Variants in YJU2 observed in about 807,000 individuals in gnomAD.
YJU2 encodes the protein splicing factor YJU2.
In YJU2, 28 loss-of-function variants were observed where a neutral mutation model predicts 39.6. The ratio of observed to expected loss-of-function variants is 0.71; its 90% CI spans 0.52 to 0.97. The LOEUF (loss-of-function observed/expected upper bound fraction) is 0.97. Among genes scored for constraint, YJU2 ranks in the 50% least tolerant of loss-of-function variants. The pLI, the probability that YJU2 is intolerant of heterozygous loss-of-function variation, is 0.00. For missense variants in YJU2, 328 were observed against 430.4 expected (o/e 0.76, Z 2.11); for synonymous variants, 184 against 182.4 (o/e 1.01, Z -0.07).
intron 6 of YJU2, among the ~76,000 whole-genome samples, chr19:4,266,507 G>C (rs949885629): frequency 6.6e-6 from 1 of 152,064 alleles, no homozygotes. Context: ...CTTCCTCTGA[G>C]AAGCTCATCC....
rs774833921 is a variant in YJU2, at chr19:4,258,396, A to C, written c.560A>C (p.Gln187Pro). 6.3e-7 allele frequency: 1 copy of C among 1,595,598 alleles called. No individual in the cohort carries two copies. Among genetic ancestry groups the C allele is most frequent in the African/African-American group, 1.3e-5 (1 of 74,798 alleles). The change falls in exon 5 of 8, where the codon CAG (glutamine) becomes CCG (proline). Residue 187 changes from glutamine to proline, a missense_variant. Transcript: ENST00000262962. ...TCGGAGGAGGAGCGGCGGAGGCAGC[A>C]GCAGGAGGAGGACGAGCAGGAGACC... ...RLSEEERRRQ[Q>P]QEEDEQETAA... is the part of the protein sequence containing the mutation.
chr19:4,251,259 C>G (rs528054671), intron 3 of YJU2, 88 bp downstream of exon 3: 2 of 1,259,234 alleles, frequency 1.6e-6, no homozygotes, highest in Admixed American at 2.0e-5. Flanking sequence ...CTCCAATCCT[C>G]TCCATCCAGG....
chr19:4,255,353 A>G (rs549861416), intron 4 of YJU2, among the ~76,000 whole-genome samples: 2 of 151,972 alleles, frequency 1.3e-5, no homozygotes, highest in Admixed American at 6.6e-5. Flanking sequence ...AGGGGTTGAG[A>G]CAGGAGGATC....
intron 6 of YJU2, among the ~76,000 whole-genome samples, chr19:4,265,821 ACT>A (rs1971110872): frequency 1.3e-5 from 2 of 150,768 alleles, no homozygotes; most frequent in South Asian, 4.2e-4. Context: ...CTGGTCTCGA[ACT>A]CTTGACCTCA....
At chr19:4,262,235 G>A in intron 6 of YJU2, 121 bp downstream of exon 6, 1 of 1,090,500 alleles carries the variant, frequency 9.2e-7, no homozygotes, top group South Asian at 1.6e-5. Context: ...GTCTCGCTCT[G>A]TCGCCTAGGC....
chr19:4,264,304 T>C (rs1426415497), intron 6 of YJU2, among the ~76,000 whole-genome samples: 2 of 148,690 alleles, frequency 1.3e-5, no homozygotes, highest in Non-Finnish European at 3.0e-5. Flanking sequence ...TTGTTCTTTC[T>C]TCCTTTTTTG....
rs137986120 is a variant in YJU2, at chr19:4,259,419, G to A, written c.587+996G>A. On this transcript the variant is annotated intron_variant, in intron 5 of 7. Transcript: ENST00000262962. ...CTTTGAGACGGGGTTTTGCTCTGCC[G>A]CCCAGGCTGGAGTGCAGTAGTGCAG... 3.3e-5 allele frequency among the ~76,000 whole-genome samples: 5 copies of A among 152,104 alleles called. No individual in the cohort carries two copies. In the East Asian group the frequency reaches 5.8e-4, roughly 18 times the overall value.
chr19:4,256,181 A>AAAAAAATAT (rs1001505791), intron 4 of YJU2, among the ~76,000 whole-genome samples: 1 of 125,898 alleles, frequency 7.9e-6, no homozygotes, highest in African/African-American at 3.1e-5. Context: ...AAAAAAAAAA[A>AAAAAAATAT]ATATATATAT....
intron 4 of YJU2, 62 bp from the exon 5 acceptor site, chr19:4,258,180 G>C: frequency 6.6e-7 from 1 of 1,525,448 alleles, no homozygotes. Flanking sequence ...CCCGAGGCCA[G>C]ACAGGGTTTG....
chr19:4,268,534 G>A (rs771031431), intron 7 of YJU2, 50 bp from the exon 8 acceptor site: 5 of 1,367,978 alleles, frequency 3.7e-6, no homozygotes, highest in Non-Finnish European at 4.1e-6. Context: ...CCTTGTCCCT[G>A]GCCTGTCTGC....
In YJU2 at chr19:4,267,929, C is replaced by T. The variant is rs552292670; in HGVS notation, c.859+155C>T. 3.3e-5 allele frequency among the ~76,000 whole-genome samples: 5 copies of T among 151,842 alleles called. No individual in the cohort carries two copies. The East Asian group carries it at 5.8e-4, about 18-fold the overall frequency. On this transcript the variant is annotated intron_variant, in intron 7 of 7. Transcript: ENST00000262962. ...TAGTGGAGTGAGCAGAGAAGGCAGG[C>T]GGCTTCTTTTTTTCTTTTTTCTTTT... is the stretch of plus-strand genomic sequence containing the variant.
Position 4,268,633 on chromosome 19 carries a change from C to G in YJU2, c.909C>G (p.Gly303=). ...KEANPTPLTP[G]ASSLSQLGAY... is the part of the protein sequence containing the mutation. ...CCAACCCTACACCCCTGACGCCTGG[C>G]GCGTCCTCCCTGAGCCAACTGGGTG... The change falls in exon 8 of 8, where the codon GGC becomes GGG. Residue 303 remains glycine, a synonymous_variant. Transcript: ENST00000262962. The G allele has an allele frequency of 6.2e-7, 1 of 1,613,822 alleles. No homozygotes were observed. Among genetic ancestry groups the G allele is most frequent in the Non-Finnish European group, 8.5e-7 (1 of 1,179,904 alleles).
Position 4,268,667 on chromosome 19 carries a change from G to C in YJU2, c.943G>C (p.Asp315His), listed in dbSNP as rs1437825433. Residue 315 changes from aspartate (D) to histidine (H), a missense_variant, in exon 8 of 8, where the codon GAC becomes CAC. Physicochemically the swap from Asp to His is moderately conservative, Grantham distance 81. Transcript: ENST00000262962. The stretch of plus-strand genomic sequence containing the variant: ...CCTGAGCCAACTGGGTGCATACCTG[G>C]ACAGTGACGACAGCAACGGCAGCAA... ...SSLSQLGAYL[D>H]SDDSNGSN is the part of the protein sequence containing the mutation. 2 of 1,613,774 alleles carry C rather than the reference G, an allele frequency of 1.2e-6. No homozygotes were observed. Among genetic ancestry groups the C allele is most frequent in the East Asian group, 2.2e-5 (1 of 44,862 alleles).
In YJU2 at chr19:4,251,051, C is replaced by A; in HGVS notation, c.150C>A (p.Ile50=). 6.2e-7 allele frequency: 1 copy of A among 1,614,196 alleles called. No homozygotes were observed. Among genetic ancestry groups the A allele is most frequent in the Non-Finnish European group, 8.5e-7 (1 of 1,180,030 alleles). ...NMRCKTCGEY[I]YKGKKFNARK... is the part of the protein sequence containing the mutation. ...GGTGTAAGACGTGCGGAGAATACAT[C>A]TACAAGGGGAAGAAATTCAATGCTC... Residue 50 remains isoleucine, a synonymous_variant, in exon 3 of 8, where the codon ATC becomes ATA. Transcript: ENST00000262962.
At position 4,258,471 on chromosome 19, in the gene YJU2, C is replaced by T. The variant is rs753990422; in HGVS notation, c.587+48C>T. ...CAGCCCCACCTCGCAGCCTCTGCCC[C>T]GGCAGGCGCTGCCTCTGCCCCAGAC... On this transcript the variant is annotated intron_variant, in intron 5 of 7. Coordinates refer to ENST00000262962, the MANE Select transcript of YJU2 (RefSeq NM_018074.6). The T allele has an allele frequency of 1.2e-4, 179 of 1,536,986 alleles. No individual in the cohort carries two copies. The East Asian group carries it at 3.0e-3, about 26-fold the overall frequency.
intron 3 of YJU2, among the ~76,000 whole-genome samples, chr19:4,253,366 C>T (rs1568361093): frequency 6.6e-6 from 1 of 152,122 alleles, no homozygotes; most frequent in East Asian, 1.9e-4. Flanking sequence ...CGGTTGAGTC[C>T]AAGAGTTAGA....
intron 1 of YJU2, chr19:4,248,289 C>G (rs1399633232): frequency 1.3e-5 from 2 of 152,220 alleles, no homozygotes; most frequent in Non-Finnish European, 2.9e-5. Flanking sequence ...CACTGCACCA[C>G]TGGAAAATAA....
In YJU2 at chr19:4,258,161, G is replaced by T. The variant is rs147506380; in HGVS notation, c.406-81G>T. On this transcript the variant is annotated intron_variant, in intron 4 of 7. Coordinates refer to ENST00000262962, the MANE Select transcript of YJU2 (RefSeq NM_018074.6). ...GGGGTAGGGGTTCCTCCCGTGGCCC[G>T]CAGTGGCCCCCGAGGCCAGACAGGG... The T allele has an allele frequency of 1.3e-5, 20 of 1,506,564 alleles. No homozygotes were observed. The Admixed American group carries it at 2.8e-4, about 21-fold the overall frequency. The allele number at this position is 1,506,564 out of a possible 1,614,324, so 93.3% of individuals were successfully genotyped here.
rs763568217 is a variant in YJU2 at position 4,262,105 on chromosome 19, C to T, written c.699C>T (p.Ile233=). Residue 233 remains isoleucine, a synonymous_variant, in exon 6 of 8, where the codon ATC becomes ATT. Coordinates refer to ENST00000262962, the MANE Select transcript of YJU2 (RefSeq NM_018074.6). ...QPALRPNPTA[I]LDEAPKPKRK... Reference sequence around the variant, plus strand: ...CCCTTCGGCCCAACCCCACCGCCATCCTGGATGAGGTAAGTGGGGTGCCTG... The same window carrying T: ...CCCTTCGGCCCAACCCCACCGCCATTCTGGATGAGGTAAGTGGGGTGCCTG... 4.3e-6 allele frequency: 7 copies of T among 1,609,950 alleles called. No homozygotes were observed. Among genetic ancestry groups the T allele is most frequent in the African/African-American group, 1.3e-5 (1 of 75,062 alleles).
Sources: gnomAD v4.1 joint callset for allele counts (sites outside exome capture counted in the v4.1 genomes callset) on GRCh38, gnomAD v4.1.1 for gene constraint, MANE v1.5 for transcripts, NCBI Gene and HGNC (gene_info 2026-07-23, HGNC 2026-07-21) for gene names.